The following ASAP2 variants were observed in gnomAD, a reference collection of about 807,000 sequenced individuals.
The protein encoded by ASAP2 is ArfGAP with SH3 domain, ankyrin repeat and PH domain 2.
Under a neutral mutation model 131.4 loss-of-function variants are expected in ASAP2, and 45 were observed. The ratio of observed to expected loss-of-function variants is 0.34; its 90% CI spans 0.27 to 0.44. ASAP2 has a LOEUF of 0.44. ASAP2 is among the 20% of genes least tolerant of loss of function. ASAP2 has a pLI of 1.00. For synonymous variants in ASAP2, 510 were observed against 503.0 expected, an observed-to-expected ratio of 1.01 and a Z score of -0.19; for missense variants, 1,011 against 1,297.0, an observed-to-expected ratio of 0.78 and a Z score of 3.39.
chr2:9,338,690 G>A (rs1165927683), intron 9 of ASAP2, among the ~76,000 whole-genome samples: 1 of 152,134 alleles, frequency 6.6e-6, no homozygotes, highest in Non-Finnish European at 1.5e-5. Context: ...GAACAAGATG[G>A]ATCAGGTTAT....
At chr2:9,340,088 T>C (rs771693642) in intron 9 of ASAP2, among the ~76,000 whole-genome samples, 4 of 152,180 alleles carry the variant, frequency 2.6e-5, no homozygotes, top group Non-Finnish European at 5.9e-5. Context: ...AGTGGTGCAA[T>C]CTTGGCTCAC....
chr2:9,216,282 A>ATTT (rs113751391), intron 1 of ASAP2, among the ~76,000 whole-genome samples: 2 of 123,720 alleles, frequency 1.6e-5, no homozygotes, highest in Non-Finnish European at 3.4e-5. Context: ...GTCAGTTCAT[A>ATTT]TTTTTTTTTT....
At chr2:9,244,219 C>T (rs775923422) in intron 1 of ASAP2, among the ~76,000 whole-genome samples, 1 of 152,100 alleles carries the variant, frequency 6.6e-6, no homozygotes, top group Admixed American at 6.5e-5. Flanking sequence ...TCACTTGAAC[C>T]CGGGAGGTGG....
chr2:9,402,164 T>C (rs1676765730), intron 27 of ASAP2, among the ~76,000 whole-genome samples: 1 of 152,214 alleles, frequency 6.6e-6, no homozygotes. Flanking sequence ...TGCGAGGAGT[T>C]TGGACACTGT....
chr2:9,208,321 G>A (rs1207090734), intron 1 of ASAP2, among the ~76,000 whole-genome samples: 2 of 137,576 alleles, frequency 1.5e-5, no homozygotes, highest in East Asian at 2.2e-4. Context: ...AGCAGAAGAC[G>A]CCTGGGCTAG....
chr2:9,364,709 A>C (rs781539581), intron 15 of ASAP2, among the ~76,000 whole-genome samples: 11 of 152,370 alleles, frequency 7.2e-5, no homozygotes, highest in South Asian at 2.1e-4. Flanking sequence ...GAAGAACTTA[A>C]CGACTTACAA....
In ASAP2 at chr2:9,400,566, G is replaced by A. The variant is rs540046089; in HGVS notation, c.2735-176G>A. Among the ~76,000 whole-genome samples, 5 of 152,026 alleles carry A rather than the reference G, an allele frequency of 3.3e-5. No individual in the cohort carries two copies. The South Asian group carries it at 8.3e-4, about 25-fold the overall frequency. On this transcript the variant is annotated intron_variant, in intron 25 of 27. Transcript: ENST00000281419. ...ATGGCAGGCTCACTGGGGGACACTC[G>A]CTGCCACACAAGCTCTCCAAGGTCT...
intron 11 of ASAP2, among the ~76,000 whole-genome samples, chr2:9,346,093 C>T (rs1344661222): frequency 6.6e-6 from 1 of 152,050 alleles, no homozygotes; most frequent in African/African-American, 2.4e-5. Flanking sequence ...ACCGTACTCC[C>T]CCTGCCCCCG....
intron 2 of ASAP2, among the ~76,000 whole-genome samples, chr2:9,295,163 T>G (rs1668075792): frequency 2.0e-5 from 3 of 152,254 alleles, no homozygotes; most frequent in Admixed American, 6.5e-5. Flanking sequence ...TAGATACTTT[T>G]GTTTGACAAG....
chr2:9,340,316 C>T (rs1157543325), intron 9 of ASAP2, among the ~76,000 whole-genome samples: 3 of 152,256 alleles, frequency 2.0e-5, no homozygotes, highest in Non-Finnish European at 2.9e-5. Context: ...CCACCGCGCC[C>T]GGCCAGCCAT....
intron 7 of ASAP2, among the ~76,000 whole-genome samples, chr2:9,333,220 T>C (rs1670956160): frequency 6.6e-6 from 1 of 152,244 alleles, no homozygotes. Flanking sequence ...CTGGCTAAAG[T>C]TGGTGACAGT....
At chr2:9,286,853 G>T (rs1667500854) in intron 2 of ASAP2, among the ~76,000 whole-genome samples, 1 of 152,290 alleles carries the variant, frequency 6.6e-6, no homozygotes, top group South Asian at 2.1e-4. Context: ...GATTAAAAAG[G>T]AATAGATGAT....
At chr2:9,208,291 T>C (rs905325393) in intron 1 of ASAP2, among the ~76,000 whole-genome samples, 2 of 137,046 alleles carry the variant, frequency 1.5e-5, no homozygotes, top group African/African-American at 5.5e-5. Context: ...AGTTTTAAAA[T>C]TGGGTATTGC....
chr2:9,384,027 G>T (rs577628575), intron 20 of ASAP2, among the ~76,000 whole-genome samples: 1 of 152,098 alleles, frequency 6.6e-6, no homozygotes, highest in African/African-American at 2.4e-5. Context: ...GTGGGGAGAC[G>T]GGGGAGGGAT....
intron 3 of ASAP2, among the ~76,000 whole-genome samples, chr2:9,303,717 G>A (rs1668643210): frequency 6.6e-6 from 1 of 152,228 alleles, no homozygotes; most frequent in African/African-American, 2.4e-5. Flanking sequence ...TCGAGACAAT[G>A]AACAAATAAG....
chr2:9,264,386 G>A (rs1572289730), intron 1 of ASAP2, among the ~76,000 whole-genome samples: 1 of 152,104 alleles, frequency 6.6e-6, no homozygotes, highest in South Asian at 2.1e-4. Context: ...TCCCCATCAG[G>A]AACCTTCCTT....
intron 1 of ASAP2, among the ~76,000 whole-genome samples, chr2:9,241,427 G>T (rs1283851708): frequency 6.6e-6 from 1 of 152,160 alleles, no homozygotes; most frequent in African/African-American, 2.4e-5. Flanking sequence ...TCAGGGTTGG[G>T]GATGTACATA....
At chr2:9,246,616 G>A (rs1330193982) in intron 1 of ASAP2, among the ~76,000 whole-genome samples, 1 of 152,214 alleles carries the variant, frequency 6.6e-6, no homozygotes, top group African/African-American at 2.4e-5. Context: ...TCATTCACCT[G>A]TGCATAAAGT....
At position 9,221,874 on chromosome 2, in the gene ASAP2, A is replaced by G. The variant is rs576159764; in HGVS notation, c.126+14644A>G. ...CATGGCGCCATCTCGGCTCACTGCA[A>G]GCTCTGCCTCCCAGGTTCACGCCAT... On this transcript the variant is annotated intron_variant, in intron 1 of 27. Transcript: ENST00000281419. Among the ~76,000 whole-genome samples, 3 of 152,218 alleles carry G rather than the reference A, an allele frequency of 2.0e-5. No individual in the cohort carries two copies. The East Asian group carries it at 5.8e-4, about 29-fold the overall frequency.
Sources: allele counts gnomAD v4.1 joint callset (sites outside exome capture counted in the v4.1 genomes callset), GRCh38; gene constraint gnomAD v4.1.1; transcripts MANE v1.5; gene names NCBI Gene and HGNC (gene_info 2026-07-23, HGNC 2026-07-21).